The following CSF1R variants were observed in gnomAD, a reference collection of about 807,000 sequenced individuals.
CSF1R encodes the protein colony stimulating factor 1 receptor, also known as macrophage colony-stimulating factor 1 receptor.
A neutral mutation model predicts 110.0 loss-of-function variants in CSF1R; 40 were observed. That is an observed-to-expected ratio of 0.36 (90% CI 0.28 to 0.47). The LOEUF (loss-of-function observed/expected upper bound fraction) is 0.47, where lower values mean the gene tolerates loss of function less well. Ranked by LOEUF, CSF1R falls within the 20% of genes least tolerant of loss-of-function variation. The pLI is 0.99. For synonymous variants in CSF1R, 523 were observed against 503.4 expected, an observed-to-expected ratio of 1.04 and a Z score of -0.52; for missense variants, 1,052 against 1,253.0, an observed-to-expected ratio of 0.84 and a Z score of 2.42.
Position 150,060,866 on chromosome 5 carries a change from A to T in CSF1R, c.1965T>A (p.His655Gln), listed in dbSNP as rs1202817638. 1 of 1,605,260 alleles carries T rather than the reference A, an allele frequency of 6.2e-7. No individual in the cohort carries two copies. The highest frequency in any genetic ancestry group is 1.7e-5 in the Admixed American group (1 of 59,138). ...NIVNLLGACTHGGPVLVITEY... is the reference protein window; with the variant it reads ...NIVNLLGACTQGGPVLVITEY... ...CAGGAACCCCAAGGCCCTTACCTCC[A>T]TGGGTACAGGCTCCCAGAAGGTTGA... Residue 655 changes from histidine to glutamine, a missense_variant, in exon 13 of 21, where the codon CAT becomes CAA. Transcript: ENST00000675795.
Position 150,056,036 on chromosome 5 carries a change from G to T in CSF1R, c.2544C>A (p.Ile848=). The change falls in exon 18 of 21, where the codon ATC becomes ATA. Residue 848 remains isoleucine, a synonymous_variant. Coordinates refer to ENST00000675795, the MANE Select transcript of CSF1R (RefSeq NM_001288705.3). Reference sequence around the variant, plus strand: ...GGCCCAGTGGCTCACCAAGTGAGAAGATCTCCCAGAGGAGGATGCCATAGG... The same window carrying T: ...GGCCCAGTGGCTCACCAAGTGAGAATATCTCCCAGAGGAGGATGCCATAGG... ...VWSYGILLWE[I]FSLGLNPYPG... is the part of the protein sequence containing the mutation. 6.2e-7 allele frequency: 1 copy of T among 1,614,142 alleles called. No individual in the cohort carries two copies. Among genetic ancestry groups the T allele is most frequent in the Non-Finnish European group, 8.5e-7 (1 of 1,179,976 alleles).
chr5:150,058,835 CAG>C (rs1757369888), intron 14 of CSF1R, among the ~76,000 whole-genome samples: 1 of 152,078 alleles, frequency 6.6e-6, no homozygotes, highest in African/African-American at 2.4e-5. Flanking sequence ...GCCCCTGAGA[CAG>C]AGACCTCCAG....
At chr5:150,086,353 T>C (rs1581333664) in intron 1 of CSF1R, 26 bp downstream of exon 1, 1 of 1,587,166 alleles carries the variant, frequency 6.3e-7, no homozygotes, top group South Asian at 1.2e-5. Flanking sequence ...CCCAACAAAG[T>C]CCCCCACCCC....
rs980056420 is a variant in CSF1R, at chr5:150,064,982, G to T, written c.1627-3133C>A. ...GAGTGAGAGATCAAGAGGTGGGGAT[G>T]GGCGAGGCTCCCTGAGAAGGGTGGA... On this transcript the variant is annotated intron_variant, in intron 10 of 20. Coordinates refer to ENST00000675795, the MANE Select transcript of CSF1R (RefSeq NM_001288705.3). 1.1e-4 allele frequency among the ~76,000 whole-genome samples: 16 copies of T among 152,218 alleles called. 1 individual carries two copies. Among genetic ancestry groups the T allele is most frequent in the African/African-American group, 3.9e-4 (16 of 41,464 alleles).
At position 150,053,508 on chromosome 5, in the gene CSF1R, G is replaced by T. The variant is rs886060253; in HGVS notation, c.*561C>A. On this transcript the variant is annotated 3_prime_UTR_variant, in exon 21 of 21. Coordinates refer to ENST00000675795, the MANE Select transcript of CSF1R (RefSeq NM_001288705.3). The stretch of plus-strand genomic sequence containing the variant: ...TCATTACAGCAGTACCAGTATGGGG[G>T]TGGGAGGGGTGAGGCTGTGGAGTGA... The T allele has an allele frequency of 4.2e-6, 1 of 239,040 alleles. No individual in the cohort carries two copies. The highest frequency in any genetic ancestry group is 8.2e-6 in the Non-Finnish European group (1 of 121,238). 14.8% of individuals were successfully genotyped at this position (239,040 alleles called of 1,614,324 possible).
At chr5:150,110,176 C>CA (rs1177739150) in intron 1 of CSF1R, among the ~76,000 whole-genome samples, 2 of 152,190 alleles carry the variant, frequency 1.3e-5, no homozygotes, top group African/African-American at 4.8e-5. Flanking sequence ...CTCACCCCGG[C>CA]ACTCCAGCTC....
intron 13 of CSF1R, 108 bp from the exon 14 acceptor site, chr5:150,059,970 C>G: frequency 7.7e-7 from 1 of 1,296,880 alleles, no homozygotes; most frequent in South Asian, 1.5e-5. Flanking sequence ...CTCAGCATAG[C>G]TGAGTTCTAA....
At chr5:150,092,291 AT>A (rs1759069871) in intron 1 of CSF1R, among the ~76,000 whole-genome samples, 1 of 152,256 alleles carries the variant, frequency 6.6e-6, no homozygotes, top group Non-Finnish European at 1.5e-5. Context: ...TTGTATATTT[AT>A]AGCAGATTAA....
chr5:150,055,213 C>T, intron 19 of CSF1R, 24 bp downstream of exon 19: 2 of 1,605,160 alleles, frequency 1.2e-6, no homozygotes, highest in East Asian at 2.2e-5. Flanking sequence ...TGTCCTTTTC[C>T]CTCCCTGGGA....
intron 5 of CSF1R, among the ~76,000 whole-genome samples, chr5:150,076,753 T>G (rs972725420): frequency 5.9e-5 from 9 of 152,212 alleles, no homozygotes; most frequent in African/African-American, 2.2e-4. Flanking sequence ...CTTTGAGCCT[T>G]GCATATGTTC....
intron 1 of CSF1R, among the ~76,000 whole-genome samples, chr5:150,111,627 T>G (rs1045596575): frequency 3.9e-5 from 6 of 152,146 alleles, no homozygotes; most frequent in Admixed American, 1.3e-4. Flanking sequence ...AGTCCCTAGC[T>G]CTGCAAATTT....
chr5:150,103,382 G>A (rs1759459794), intron 1 of CSF1R, among the ~76,000 whole-genome samples: 1 of 152,150 alleles, frequency 6.6e-6, no homozygotes, highest in South Asian at 2.1e-4. Flanking sequence ...CCTGTCCCTC[G>A]ACAGGCCTCC....
intron 1 of CSF1R, among the ~76,000 whole-genome samples, chr5:150,084,019 C>T (rs1758685008): frequency 6.6e-6 from 1 of 152,148 alleles, no homozygotes; most frequent in Non-Finnish European, 1.5e-5. Flanking sequence ...CCAGCATGTC[C>T]TTAACCTTGG....
intron 10 of CSF1R, among the ~76,000 whole-genome samples, chr5:150,062,881 A>G (rs1457097644): frequency 6.6e-6 from 1 of 152,224 alleles, no homozygotes; most frequent in African/African-American, 2.4e-5. Context: ...GTGCATGGAA[A>G]TGCTGTATGC....
chr5:150,077,902 A>T (rs1225772238), intron 4 of CSF1R, among the ~76,000 whole-genome samples: 2 of 146,948 alleles, frequency 1.4e-5, no homozygotes, highest in Non-Finnish European at 3.0e-5. Context: ...CACCCCCACA[A>T]AGTTCAGCGG....
In CSF1R at chr5:150,057,598, TAGG is replaced by T. The variant is rs1757286401; in HGVS notation, c.2133-9_2133-7del. 2 of 1,612,480 alleles carry T rather than the reference TAGG, an allele frequency of 1.2e-6. No individual in the cohort carries two copies. Among genetic ancestry groups the T allele is most frequent in the South Asian group, 1.1e-5 (1 of 91,058 alleles). On this transcript the variant is annotated splice_region_variant and splice_polypyrimidine_tract_variant and intron_variant, in intron 14 of 20. Coordinates refer to ENST00000675795, the MANE Select transcript of CSF1R (RefSeq NM_001288705.3). ...GGCTGGAGAAGCCACTGTCCCTACA[TAGG>T]AGAGAGGGTTGGGGGGCAGAGGTCA...
chr5:150,099,369 T>C (rs1759329190), intron 1 of CSF1R, among the ~76,000 whole-genome samples: 2 of 152,208 alleles, frequency 1.3e-5, no homozygotes, highest in Admixed American at 6.5e-5. Flanking sequence ...AATTGAGTAA[T>C]CCTACTCCTA....
At chr5:150,086,752 C>G (rs73275678), upstream of CSF1R, 11,150 of 356,262 alleles carry the variant, frequency 0.031, 912 homozygotes, top group African/African-American at 0.19. Flanking sequence ...CCTTCTAAAG[C>G]CATCTTCAAG....
Position 150,056,318 on chromosome 5 carries a change from C to A in CSF1R, c.2343G>T (p.Ala781=). 6.2e-7 allele frequency: 1 copy of A among 1,614,142 alleles called. No individual in the cohort carries two copies. The highest frequency in any genetic ancestry group is 8.5e-7 in the Non-Finnish European group (1 of 1,180,034). Residue 781 remains alanine, a synonymous_variant, in exon 17 of 21, where the codon GCG becomes GCT. Transcript: ENST00000675795. ...GACCATTGGTCAACAGCACGTTACG[C>A]GCTGCCACGTCCCGGTGGATGCACT... ...SKNCIHRDVA[A]RNVLLTNGHV...
Sources: allele counts gnomAD v4.1 joint callset (sites outside exome capture counted in the v4.1 genomes callset), GRCh38; gene constraint gnomAD v4.1.1; transcripts MANE v1.5; gene names NCBI Gene and HGNC (gene_info 2026-07-23, HGNC 2026-07-21).